Variants in RSU1 observed in about 807,000 individuals in gnomAD.
RSU1 encodes rsu-1.
Under a neutral mutation model 31.1 loss-of-function variants are expected in RSU1, and 26 were observed. The observed-to-expected ratio is 0.84, with a 90% CI of 0.61 to 1.16. The LOEUF (loss-of-function observed/expected upper bound fraction) is 1.16. RSU1 is among the 50% of genes most tolerant of loss of function. The probability of loss-of-function intolerance (pLI) is 0.00; values close to 1 mark genes in which losing one functional copy is unlikely to be tolerated. For synonymous variants in RSU1, 164 were observed against 136.3 expected, an observed-to-expected ratio of 1.20 and a Z score of -1.41; for missense variants, 320 against 339.1, an observed-to-expected ratio of 0.94 and a Z score of 0.44.
At chr10:16,755,474 G>A (rs1377486422) in intron 4 of RSU1, among the ~76,000 whole-genome samples, 1 of 150,904 alleles carries the variant, frequency 6.6e-6, no homozygotes, top group Non-Finnish European at 1.5e-5. Context: ...CAATGACAAA[G>A]ATTGTACATA....
chr10:16,785,479 T>TATACACAC (rs1564357351), intron 2 of RSU1, among the ~76,000 whole-genome samples: 1,821 of 137,814 alleles, frequency 0.013, 133 homozygotes, highest in African/African-American at 0.048. Context: ...TACACATATA[T>TATACACAC]ACATATATAC....
rs548155884 is a variant in RSU1 at position 16,618,953 on chromosome 10, CTG to C, written c.732-25459_732-25458del. 4.2e-4 allele frequency among the ~76,000 whole-genome samples: 64 copies of C among 152,224 alleles called. No homozygotes were observed. In the Middle Eastern group the frequency reaches 0.031, roughly 73 times the overall value. On this transcript the variant is annotated intron_variant, in intron 8 of 8. Coordinates refer to ENST00000345264, the MANE Select transcript of RSU1 (RefSeq NM_012425.4). The stretch of plus-strand genomic sequence containing the variant: ...GCACATGTATACCTATGTAACAAAC[CTG>C]TGTGTTCTGCACGTGTATCCCAGAA...
intron 8 of RSU1, among the ~76,000 whole-genome samples, chr10:16,637,951 C>T (rs1346634807): frequency 6.6e-6 from 1 of 152,154 alleles, no homozygotes; most frequent in Non-Finnish European, 1.5e-5. Context: ...TTCTTCCACA[C>T]TGTTTCCAAA....
At chr10:16,681,855 A>T (rs969173567) in intron 8 of RSU1, among the ~76,000 whole-genome samples, 1 of 152,198 alleles carries the variant, frequency 6.6e-6, no homozygotes, top group Non-Finnish European at 1.5e-5. Flanking sequence ...TTTATAATAA[A>T]AATCAATCCA....
intron 7 of RSU1, among the ~76,000 whole-genome samples, chr10:16,714,858 C>A (rs969177873): frequency 3.3e-5 from 5 of 152,150 alleles, no homozygotes; most frequent in African/African-American, 1.2e-4. Flanking sequence ...AATGTGGACA[C>A]TGAGGCATTG....
chr10:16,666,461 C>T (rs1375281909), intron 8 of RSU1, among the ~76,000 whole-genome samples: 3 of 152,198 alleles, frequency 2.0e-5, no homozygotes, highest in Non-Finnish European at 4.4e-5. Flanking sequence ...TTCCTAATGG[C>T]CAAAGCTTGA....
chr10:16,703,170 C>G (rs1406471632), intron 7 of RSU1, among the ~76,000 whole-genome samples: 1 of 152,158 alleles, frequency 6.6e-6, no homozygotes, highest in Non-Finnish European at 1.5e-5. Context: ...GAGCAGATGC[C>G]AGCATCATGC....
chr10:16,683,577 T>C lies in RSU1; in HGVS notation c.731+11446A>G, dbSNP rs7100123. 2.1e-3 allele frequency among the ~76,000 whole-genome samples: 314 copies of C among 152,288 alleles called. 2 individuals are homozygous for C. Among genetic ancestry groups the C allele is most frequent in the African/African-American group, 7.0e-3 (290 of 41,558 alleles). On this transcript the variant is annotated intron_variant, in intron 8 of 8. Transcript: ENST00000345264. ...TCATTGAAGTTTTAGTTATTTTATA[T>C]GGCAAATTTACCAAATACTTTTTTG... is the stretch of plus-strand genomic sequence containing the variant.
In RSU1 at chr10:16,817,127, C is replaced by T. The variant is rs374283872; in HGVS notation, c.-3-43G>A. The T allele has an allele frequency of 2.8e-6, 4 of 1,425,138 alleles. No homozygotes were observed. The African/African-American group carries it at 4.2e-5, about 15-fold the overall frequency. 88.3% of individuals were successfully genotyped at this position (1,425,138 alleles called of 1,614,324 possible). A position where few individuals can be genotyped will look rare whatever the true frequency, so the allele number is the denominator to read the frequency against. On this transcript the variant is annotated intron_variant, in intron 1 of 8. Transcript: ENST00000345264. ...AAAGCACGTGGGCGATGACAGCAAG[C>T]GCAGAGGCGGAAAGGCAAGAGGCCT...
At chr10:16,718,753 G>C (rs1056515298) in intron 7 of RSU1, among the ~76,000 whole-genome samples, 4 of 152,056 alleles carry the variant, frequency 2.6e-5, no homozygotes, top group African/African-American at 9.7e-5. Context: ...GGCTGAGGCG[G>C]GCAGATCACC....
intron 7 of RSU1, chr10:16,723,055 CATAT>C (rs1007419985): frequency 6.6e-6 from 1 of 151,082 alleles, no homozygotes; most frequent in Non-Finnish European, 1.5e-5. Context: ...TACATACACA[CATAT>C]ATATCATGTG....
intron 2 of RSU1, among the ~76,000 whole-genome samples, chr10:16,804,537 C>G (rs1317087726): frequency 6.6e-6 from 1 of 152,210 alleles, no homozygotes; most frequent in African/African-American, 2.4e-5. Context: ...CAGCTTTATT[C>G]ATAATTGTCC....
At chr10:16,684,255 T>A (rs1416796207) in intron 8 of RSU1, among the ~76,000 whole-genome samples, 1 of 152,218 alleles carries the variant, frequency 6.6e-6, no homozygotes, top group African/African-American at 2.4e-5. Flanking sequence ...TATTTTCTTC[T>A]TTGTCACATA....
At chr10:16,776,015 A>C (rs1239320556) in intron 3 of RSU1, among the ~76,000 whole-genome samples, 1 of 152,216 alleles carries the variant, frequency 6.6e-6, no homozygotes, top group Non-Finnish European at 1.5e-5. Flanking sequence ...AATTTCATAC[A>C]AGCCATGCAC....
At chr10:16,698,840 C>T (rs773652148) in intron 7 of RSU1, among the ~76,000 whole-genome samples, 1 of 152,304 alleles carries the variant, frequency 6.6e-6, no homozygotes, top group East Asian at 1.9e-4. Flanking sequence ...ACTTCCAACC[C>T]ATCTGCATAT....
rs541635412 is a variant in RSU1 at position 16,702,474 on chromosome 10, G to A, written c.599-7319C>T. On this transcript the variant is annotated intron_variant, in intron 7 of 8. Transcript: ENST00000345264. ...CTGCAAGGCCACAGGGAGCCATCCA[G>A]GGCTTTGGAAGGCCATCTCTTGAAT... Among the ~76,000 whole-genome samples the A allele has an allele frequency of 5.9e-5, 9 of 152,342 alleles. No homozygotes were observed. In the South Asian group the frequency reaches 1.9e-3, roughly 32 times the overall value.
chr10:16,801,786 T>G (rs911099925), intron 2 of RSU1, among the ~76,000 whole-genome samples: 1 of 152,018 alleles, frequency 6.6e-6, no homozygotes, highest in Admixed American at 6.6e-5. Context: ...CTAAATAACA[T>G]GTCAAAGAAA....
chr10:16,663,624 C>A (rs1037432223), intron 8 of RSU1, among the ~76,000 whole-genome samples: 1 of 152,160 alleles, frequency 6.6e-6, no homozygotes, highest in African/African-American at 2.4e-5. Flanking sequence ...ACATGAATAG[C>A]CACTCGCCGC....
Position 16,695,031 on chromosome 10 carries a change from T to G in RSU1, c.723A>C (p.Thr241=), listed in dbSNP as rs368728910. Reference sequence around the variant, plus strand: ...AATCAGAGTCTACTTACTATTTGTATGTCTCAGAACGGATATACTCAAAAA... The same window carrying G: ...AATCAGAGTCTACTTACTATTTGTAGGTCTCAGAACGGATATACTCAAAAA... ...SHVFEYIRSE[T]YKYLYGRHMQ... The change falls in exon 8 of 9, where the codon ACA becomes ACC. Residue 241 remains threonine, a synonymous_variant. Transcript: ENST00000345264. The G allele has an allele frequency of 2.7e-5, 43 of 1,610,154 alleles. No individual in the cohort carries two copies. The highest frequency in any genetic ancestry group is 1.7e-4 in the Middle Eastern group (1 of 6,056).
Sources: gnomAD v4.1 joint callset for allele counts (sites outside exome capture counted in the v4.1 genomes callset) on GRCh38, gnomAD v4.1.1 for gene constraint, MANE v1.5 for transcripts, NCBI Gene and HGNC (gene_info 2026-07-23, HGNC 2026-07-21) for gene names.